MBD6: variants seen among roughly 807,000 people sequenced by gnomAD.
MBD6 encodes methyl-CpG binding domain protein 6.
Under a neutral mutation model 66.8 loss-of-function variants are expected in MBD6, and 22 were observed. The ratio of observed to expected loss-of-function variants is 0.33; its 90% CI spans 0.24 to 0.47. The LOEUF (loss-of-function observed/expected upper bound fraction) is 0.47, where lower values mean the gene tolerates loss of function less well. Ranked by LOEUF, MBD6 falls within the 20% of genes least tolerant of loss-of-function variation. The pLI is 1.00. For missense variants in MBD6, 1,322 were observed against 1,286.9 expected, an observed-to-expected ratio of 1.03 and a Z score of -0.42; for synonymous variants, 540 against 534.6, an observed-to-expected ratio of 1.01 and a Z score of -0.14.
At chr12:57,525,233 T>C (rs1435676621) in intron 5 of MBD6, 115 bp from the exon 6 acceptor site, 2 of 1,486,798 alleles carry the variant, frequency 1.3e-6, no homozygotes, top group Admixed American at 2.3e-5. Flanking sequence ...GGGAGCTGCA[T>C]GTTGAAAGGA....
chr12:57,522,724 A>AGGC (rs1157737472), upstream of MBD6: 1,963 of 152,432 alleles, frequency 0.013, 17 homozygotes, highest in Middle Eastern at 0.06. Context: ...GCAGCGGCGG[A>AGGC]GGCGGCGGCT....
intron 1 of MBD6, 96 bp from the exon 2 acceptor site, chr12:57,523,932 AT>A (rs200773702): frequency 0.033 from 5,266 of 160,876 alleles, 147 homozygotes; most frequent in Middle Eastern, 0.074. Context: ...CTTGCCTCAC[AT>A]TGTTAAGGAT....
chr12:57,528,046 G>A, intron 9 of MBD6, 29 bp downstream of exon 9: 1 of 1,528,878 alleles, frequency 6.5e-7, no homozygotes, highest in South Asian at 1.3e-5. Context: ...ATTTGTCAGG[G>A]AGATAATTTT....
In MBD6 at chr12:57,524,939, T is replaced by C. The variant is rs1291804210; in HGVS notation, c.217-14T>C. 1.9e-6 allele frequency: 3 copies of C among 1,600,540 alleles called. No homozygotes were observed. ...AGCCCCTCAGGGTCCCTGTCCTTGC[T>C]TTCCACCTTACAGGTTTTCAACTTT... On this transcript the variant is annotated splice_polypyrimidine_tract_variant and intron_variant, in intron 4 of 12. Transcript: ENST00000355673.
At position 57,527,165 on chromosome 12, in the gene MBD6, AT is replaced by A; in HGVS notation, c.2021del (p.Ile674LysfsTer3). ...CCCACTTTCAGCCCCCCCTACCCTC[AT>A]AGCTTTAAATTCTGCGCTGCTGGCT... ...FPPLSAPPTL[I>X]ALNSALLAAT... is the part of the protein sequence containing the mutation. On this transcript the variant is annotated frameshift_variant, in exon 7 of 13. Transcript: ENST00000355673. LOFTEE classifies it high-confidence loss of function. 1 of 1,475,938 alleles carries A rather than the reference AT, an allele frequency of 6.8e-7. No homozygotes were observed. The highest frequency in any genetic ancestry group is 9.0e-7 in the Non-Finnish European group (1 of 1,105,456). The allele number at this position is 1,475,938 out of a possible 1,614,324, so 91.4% of individuals were successfully genotyped here. A position where few individuals can be genotyped will look rare whatever the true frequency, so the allele number is the denominator to read the frequency against.
chr12:57,524,003 G>C (rs1206431637), intron 1 of MBD6, 26 bp from the exon 2 acceptor site: 6 of 238,834 alleles, frequency 2.5e-5, no homozygotes, highest in Non-Finnish European at 4.1e-5. Flanking sequence ...ACTCCTGACA[G>C]TCCCATCTCT....
downstream of MBD6, chr12:57,530,819 G>T: frequency 1.4e-6 from 2 of 1,470,914 alleles, no homozygotes; most frequent in Non-Finnish European, 1.9e-6. Context: ...AGGTCCAGTT[G>T]CTTAACTGGA....
At chr12:57,522,319 C>G (rs1878404735), upstream of MBD6, among the ~76,000 whole-genome samples, 1 of 152,204 alleles carries the variant, frequency 6.6e-6, no homozygotes, top group Non-Finnish European at 1.5e-5. Context: ...ACTTGACAGG[C>G]TGAGGTCGTG....
downstream of MBD6, among the ~76,000 whole-genome samples, chr12:57,531,295 G>A (rs7299631): frequency 0.67 from 101,646 of 151,828 alleles, 39,068 homozygotes; most frequent in Non-Finnish European, 0.86. Flanking sequence ...GCCGAGATGG[G>A]TGGGATCACT....
chr12:57,525,783 T>TC lies in MBD6; in HGVS notation c.815_816insC (p.Pro273AlafsTer5). 1 of 782,728 alleles carries TC rather than the reference T, an allele frequency of 1.3e-6. No individual in the cohort carries two copies. The highest frequency in any genetic ancestry group is 1.9e-6 in the Non-Finnish European group (1 of 532,452). The allele number at this position is 782,728 out of a possible 1,614,324, so 48.5% of individuals were successfully genotyped here. A position where few individuals can be genotyped will look rare whatever the true frequency, so the allele number is the denominator to read the frequency against. ...AGTGATGCCTTAACACCCCCTCCCC[T>TC]GCCCCCGAGCAATAATCTCCCCGCC... On this transcript the variant is annotated frameshift_variant, in exon 6 of 13. Coordinates refer to ENST00000355673, the MANE Select transcript of MBD6 (RefSeq NM_052897.4). LOFTEE classifies it high-confidence loss of function.
rs1565664627 is a variant in MBD6 at position 57,525,868 on chromosome 12, CCTGGGGCCCCTGGGA to C, written c.901_915del (p.Leu301_Gly305del). The stretch of plus-strand genomic sequence containing the variant: ...CAGCCACTATGCACCTGCCCCTGGT[CCTGGGGCCCCTGGGA>C]GGGGCCCCCACGGTGGAGGGGCCTG... On this transcript the variant is annotated inframe_deletion, in exon 6 of 13. Coordinates refer to ENST00000355673, the MANE Select transcript of MBD6 (RefSeq NM_052897.4). The C allele has an allele frequency of 7.4e-6, 12 of 1,612,934 alleles. No homozygotes were observed. The highest frequency in any genetic ancestry group is 9.3e-6 in the Non-Finnish European group (11 of 1,179,716).
chr12:57,528,381 G>A lies in MBD6; in HGVS notation c.2641G>A (p.Gly881Ser), dbSNP rs151328496. The change falls in exon 10 of 13, where the codon GGC becomes AGC. Residue 881 changes from glycine to serine, a missense_variant. Physicochemically the swap from Gly to Ser is moderately conservative, Grantham distance 56 (BLOSUM62 0). Coordinates refer to ENST00000355673, the MANE Select transcript of MBD6 (RefSeq NM_052897.4). The stretch of plus-strand genomic sequence containing the variant: ...CAGGCCAGCCCGGGGCCGAAAGCCT[G>A]GCAGCCGGCGGGAGCCTGGCCGACT... ...EARPARGRKP[G>S]SRREPGRLAL... The A allele has an allele frequency of 6.8e-6, 11 of 1,612,810 alleles. No individual in the cohort carries two copies. Among genetic ancestry groups the A allele is most frequent in the Non-Finnish European group, 9.3e-6 (11 of 1,179,876 alleles).
Position 57,526,644 on chromosome 12 carries a change from G to T in MBD6, c.1499G>T (p.Gly500Val), listed in dbSNP as rs1166154951. 1 of 1,515,410 alleles carries T rather than the reference G, an allele frequency of 6.6e-7. No individual in the cohort carries two copies. Among genetic ancestry groups the T allele is most frequent in the Non-Finnish European group, 8.8e-7 (1 of 1,133,110 alleles). The allele number at this position is 1,515,410 out of a possible 1,614,324, so 93.9% of individuals were successfully genotyped here. A position where few individuals can be genotyped will look rare whatever the true frequency, so the allele number is the denominator to read the frequency against. Residue 500 changes from glycine (G) to valine (V), a missense_variant, in exon 7 of 13, where the codon GGG (glycine) becomes GTG (valine). Coordinates refer to ENST00000355673, the MANE Select transcript of MBD6 (RefSeq NM_052897.4). ...CTTCAAAGCCCATCCGAAGGACTGGGGATGGGGGCAGGCCCGGCCTGCCCT... is the reference window on the plus strand; with the variant it reads ...CTTCAAAGCCCATCCGAAGGACTGGTGATGGGGGCAGGCCCGGCCTGCCCT... The part of the protein sequence containing the change: ...PVLQSPSEGL[G>V]MGAGPACPLP...
rs1878764060 is a variant in MBD6, at chr12:57,524,993, G to C, written c.257G>C (p.Gly86Ala). ...CCTTTGGCCCCGGTGACCCCGGGTG[G>C]GGCTGGGGTGGGGCCAGCATCAGAG... The part of the protein sequence containing the change: ...FDPLAPVTPG[G>A]AGVGPASEED... Residue 86 changes from glycine to alanine, a missense_variant, in exon 5 of 13, where the codon GGG (glycine) becomes GCG (alanine). Transcript: ENST00000355673. The C allele has an allele frequency of 6.2e-7, 1 of 1,609,128 alleles. No individual in the cohort carries two copies. The highest frequency in any genetic ancestry group is 8.5e-7 in the Non-Finnish European group (1 of 1,177,244).
In MBD6 at chr12:57,526,309, A is replaced by G; in HGVS notation, c.1341A>G (p.Ser447=). ...AHLPPPPTLS[S]GSPPQPRHPI... ...TTCCTCCTCCCCCAACCCTCTCCTC[A>G]GGGAGCCCTCCCCAGCCCAGGCACC... Residue 447 remains serine, a synonymous_variant, in exon 6 of 13, where the codon TCA becomes TCG. Coordinates refer to ENST00000355673, the MANE Select transcript of MBD6 (RefSeq NM_052897.4). 2.5e-6 allele frequency: 4 copies of G among 1,612,604 alleles called. No homozygotes were observed. The South Asian group carries it at 4.4e-5, about 18-fold the overall frequency.
Position 57,525,489 on chromosome 12 carries a change from C to T in MBD6, c.521C>T (p.Ala174Val). 1 of 1,546,248 alleles carries T rather than the reference C, an allele frequency of 6.5e-7. No individual in the cohort carries two copies. The highest frequency in any genetic ancestry group is 1.8e-4 in the Middle Eastern group (1 of 5,704). ...CCAGAACCACCCTCAGTTTCCCAGGCCTTTCCCACTCTAGCAGGCCCTGGG... is the reference window on the plus strand; with the variant it reads ...CCAGAACCACCCTCAGTTTCCCAGGTCTTTCCCACTCTAGCAGGCCCTGGG... ...LPPEPPSVSQ[A>V]FPTLAGPGGL... Residue 174 changes from alanine (A) to valine (V), a missense_variant, in exon 6 of 13, where the codon GCC (alanine) becomes GTC (valine). Coordinates refer to ENST00000355673, the MANE Select transcript of MBD6 (RefSeq NM_052897.4).
Position 57,524,704 on chromosome 12 carries a change from C to T in MBD6, c.114-16C>T, listed in dbSNP as rs1251384933. 5 of 1,613,042 alleles carry T rather than the reference C, an allele frequency of 3.1e-6. No homozygotes were observed. Among genetic ancestry groups the T allele is most frequent in the African/African-American group, 1.3e-5 (1 of 74,924 alleles). Reference sequence around the variant, plus strand: ...TGCCAGCTAACCCCATGTCCTCTGACCCTGTCCTCTCGCAGTCCAAGTGGC... The same window carrying T: ...TGCCAGCTAACCCCATGTCCTCTGATCCTGTCCTCTCGCAGTCCAAGTGGC... On this transcript the variant is annotated splice_polypyrimidine_tract_variant and intron_variant, in intron 3 of 12. Transcript: ENST00000355673.
Position 57,524,724 on chromosome 12 carries a change from A to G in MBD6, c.118A>G (p.Ser40Gly), listed in dbSNP as rs2140074493. Reference sequence around the variant, plus strand: ...TCTGACCCTGTCCTCTCGCAGTCCAAGTGGCACAGAGCTGTCTTCCTTGGA... The same window carrying G: ...TCTGACCCTGTCCTCTCGCAGTCCAGGTGGCACAGAGCTGTCTTCCTTGGA... ...REGAVLYISPSGTELSSLEQT... is the reference protein window; with the variant it reads ...REGAVLYISPGGTELSSLEQT... Residue 40 changes from serine (S) to glycine (G), a missense_variant, in exon 4 of 13, where the codon AGT (serine) becomes GGT (glycine). Physicochemically the swap from Ser to Gly is moderately conservative, Grantham distance 56. Coordinates refer to ENST00000355673, the MANE Select transcript of MBD6 (RefSeq NM_052897.4). The G allele has an allele frequency of 6.2e-7, 1 of 1,614,136 alleles. No homozygotes were observed. Among genetic ancestry groups the G allele is most frequent in the East Asian group, 2.2e-5 (1 of 44,886 alleles).
upstream of MBD6, chr12:57,521,709 C>T (rs1363015457): frequency 1.3e-5 from 2 of 152,274 alleles, no homozygotes; most frequent in Non-Finnish European, 2.9e-5. Context: ...ACTCCTATGG[C>T]TTTCTCCAAG....
Sources: gnomAD v4.1 joint callset for allele counts (sites outside exome capture counted in the v4.1 genomes callset) on GRCh38, gnomAD v4.1.1 for gene constraint, MANE v1.5 for transcripts, NCBI Gene and HGNC (gene_info 2026-07-23, HGNC 2026-07-21) for gene names.